HERC4: variants seen among roughly 807,000 people sequenced by gnomAD.
HERC4 encodes probable E3 ubiquitin-protein ligase HERC4.
In HERC4, 28 loss-of-function variants were observed where a neutral mutation model predicts 124.3. That is an observed-to-expected ratio of 0.23 (90% confidence interval 0.17 to 0.31). The LOEUF (loss-of-function observed/expected upper bound fraction) is 0.31. HERC4 is among the 10% of genes least tolerant of loss of function. The probability of loss-of-function intolerance (pLI) is 1.00; values close to 1 mark genes in which losing one functional copy is unlikely to be tolerated. For synonymous variants in HERC4, 407 were observed against 421.5 expected (o/e 0.97, Z 0.42); for missense variants, 713 against 1,229.3 (o/e 0.58, Z 6.28).
intron 16 of HERC4, among the ~76,000 whole-genome samples, chr10:67,959,597 G>T (rs1003683929): frequency 6.6e-6 from 1 of 151,400 alleles, no homozygotes; most frequent in Non-Finnish European, 1.5e-5. Context: ...TGGACACAAA[G>T]TAAGAAAAAA....
chr10:67,929,520 T>C (rs1045059431), intron 23 of HERC4, among the ~76,000 whole-genome samples: 19 of 150,838 alleles, frequency 1.3e-4, no homozygotes, highest in Admixed American at 2.6e-4. Flanking sequence ...CATGTATCAA[T>C]AGTGCTTTTT....
chr10:68,056,945 C>G (rs1233132505), intron 3 of HERC4, among the ~76,000 whole-genome samples: 2 of 152,144 alleles, frequency 1.3e-5, no homozygotes, highest in Admixed American at 6.5e-5. Flanking sequence ...AATTTAAGGT[C>G]TGAACCCAAG....
At chr10:67,959,506 T>A (rs2034363880) in intron 16 of HERC4, among the ~76,000 whole-genome samples, 1 of 151,456 alleles carries the variant, frequency 6.6e-6, no homozygotes, top group Non-Finnish European at 1.5e-5. Context: ...TTAAAAAAAA[T>A]GGAAAAAACA....
intron 16 of HERC4, among the ~76,000 whole-genome samples, chr10:67,957,735 C>T (rs1312597778): frequency 6.6e-6 from 1 of 152,158 alleles, no homozygotes; most frequent in African/African-American, 2.4e-5. Context: ...TGCTATGAGA[C>T]TTCTAATGAA....
At chr10:68,010,622 C>A in intron 9 of HERC4, 1 of 1,400,580 alleles carries the variant, frequency 7.1e-7, no homozygotes. Context: ...CTTTGCATAT[C>A]TCCTGAATAT....
intron 7 of HERC4, among the ~76,000 whole-genome samples, chr10:68,028,249 T>TA (rs536531727): frequency 1.2e-3 from 175 of 142,930 alleles, no homozygotes; most frequent in Non-Finnish European, 1.5e-3. Context: ...ATTGACCAGT[T>TA]AAAAAAAAAA....
chr10:68,072,353 C>G (rs984305697), intron 3 of HERC4, among the ~76,000 whole-genome samples: 2 of 151,924 alleles, frequency 1.3e-5, no homozygotes, highest in African/African-American at 4.8e-5. Context: ...AGCAATGCTA[C>G]AGAAAGTAGA....
chr10:68,005,105 T>C (rs959397812), intron 9 of HERC4, among the ~76,000 whole-genome samples: 3 of 152,218 alleles, frequency 2.0e-5, no homozygotes, highest in Non-Finnish European at 2.9e-5. Context: ...CTGAGTTCTC[T>C]GTTCTGTTCC....
intron 19 of HERC4, among the ~76,000 whole-genome samples, chr10:67,946,520 T>C (rs539137663): frequency 2.0e-5 from 3 of 152,028 alleles, no homozygotes; most frequent in South Asian, 4.1e-4. Flanking sequence ...ATACAAGGTA[T>C]TAGACAAAAC....
At chr10:67,960,216 C>G (rs2034417174) in intron 16 of HERC4, among the ~76,000 whole-genome samples, 1 of 152,194 alleles carries the variant, frequency 6.6e-6, no homozygotes, top group East Asian at 1.9e-4. Context: ...TAGAAATACT[C>G]TGTATTGTTA....
At position 67,932,644 on chromosome 10, in the gene HERC4, C is replaced by G; in HGVS notation, c.2791G>C (p.Ala931Pro). Residue 931 changes from alanine to proline, a missense_variant, in exon 23 of 25, where the codon GCA becomes CCA. Transcript: ENST00000373700. ...LLLFQPNELQ[A>P]MVIGNTNYDW... ...TAATTTGTATTTCCAATGACCATTG[C>G]TTGTAGTTCATTAGGCTGAAAGAGC... The G allele has an allele frequency of 5.0e-6, 8 of 1,610,652 alleles. No homozygotes were observed. Among genetic ancestry groups the G allele is most frequent in the Non-Finnish European group, 6.8e-6 (8 of 1,179,022 alleles).
rs1463474051 is a variant in HERC4 at position 67,966,746 on chromosome 10, T to C, written c.1863A>G (p.Val621=). Residue 621 remains valine (V), a synonymous_variant, in exon 16 of 25, where the codon GTA becomes GTG. Coordinates refer to ENST00000373700, the MANE Select transcript of HERC4 (RefSeq NM_015601.4). ...IQYDKFYIHE[V]QELIDIRNDY... Reference sequence around the variant, plus strand: ...CATTTCTTATGTCTATCAATTCTTGTACTTCATGTATATAAAATTTATCAT... The same window carrying C: ...CATTTCTTATGTCTATCAATTCTTGCACTTCATGTATATAAAATTTATCAT... 26 of 1,596,186 alleles carry C rather than the reference T, an allele frequency of 1.6e-5. No homozygotes were observed. The highest frequency in any genetic ancestry group is 2.2e-5 in the Non-Finnish European group (26 of 1,166,624).
Position 67,932,660 on chromosome 10 carries a change from C to A in HERC4, c.2775G>T (p.Gln925His), listed in dbSNP as rs377029318. The change falls in exon 23 of 25, where the codon CAG (glutamine) becomes CAT (histidine). Residue 925 changes from glutamine (Q) to histidine (H), a missense_variant. Transcript: ENST00000373700. Reference protein sequence around the residue: ...VCGGKVLLLFQPNELQAMVIG... With the variant: ...VCGGKVLLLFHPNELQAMVIG... ...TGACCATTGCTTGTAGTTCATTAGG[C>A]TGAAAGAGCAGAAGGACTTTTCCTC... 3 of 1,610,244 alleles carry A rather than the reference C, an allele frequency of 1.9e-6. No individual in the cohort carries two copies. Among genetic ancestry groups the A allele is most frequent in the Non-Finnish European group, 2.5e-6 (3 of 1,179,116 alleles).
chr10:68,058,718 T>C (rs1481845834), intron 3 of HERC4, among the ~76,000 whole-genome samples: 1 of 152,024 alleles, frequency 6.6e-6, no homozygotes, highest in Non-Finnish European at 1.5e-5. Flanking sequence ...CTCTAGGAGT[T>C]TGGCATGATT....
chr10:67,941,519 C>T (rs1207334527), intron 19 of HERC4, among the ~76,000 whole-genome samples: 1 of 151,742 alleles, frequency 6.6e-6, no homozygotes, highest in East Asian at 1.9e-4. Flanking sequence ...ACCTGTAAAC[C>T]AATCACTCAG....
At chr10:67,949,613 A>T (rs1162777784) in intron 19 of HERC4, among the ~76,000 whole-genome samples, 2 of 152,246 alleles carry the variant, frequency 1.3e-5, no homozygotes, top group Non-Finnish European at 2.9e-5. Context: ...ATTATACACT[A>T]TTACCAAGTG....
At chr10:67,995,901 C>T in intron 9 of HERC4, 1 of 190,614 alleles carries the variant, frequency 5.2e-6, no homozygotes, top group South Asian at 8.0e-5. Context: ...TAATTTTCCC[C>T]CCCTTATCTA....
intron 22 of HERC4, among the ~76,000 whole-genome samples, chr10:67,933,578 G>C (rs959253971): frequency 3.9e-5 from 6 of 151,964 alleles, no homozygotes; most frequent in Non-Finnish European, 8.8e-5. Context: ...TTCTGCAATA[G>C]GAATAATGGT....
At chr10:68,045,660 T>G (rs922770899) in intron 3 of HERC4, among the ~76,000 whole-genome samples, 1 of 152,190 alleles carries the variant, frequency 6.6e-6, no homozygotes, top group South Asian at 2.1e-4. Flanking sequence ...GTTTGTCAGG[T>G]TTTTTTACTA....
Sources: gnomAD v4.1 joint callset for allele counts (sites outside exome capture counted in the v4.1 genomes callset) on GRCh38, gnomAD v4.1.1 for gene constraint, MANE v1.5 for transcripts, NCBI Gene and HGNC (gene_info 2026-07-23, HGNC 2026-07-21) for gene names.